MAF: variants seen among roughly 807,000 people sequenced by gnomAD.
MAF encodes MAF bZIP transcription factor.
A neutral mutation model predicts 22.0 loss-of-function variants in MAF; 10 were observed. The ratio of observed to expected loss-of-function variants is 0.45; its 90% CI spans 0.28 to 0.77. The LOEUF is 0.77. MAF is among the 30% of genes least tolerant of loss of function. The probability of loss-of-function intolerance (pLI) is 0.12; values close to 1 mark genes in which losing one functional copy is unlikely to be tolerated. For missense variants in MAF, 544 were observed against 548.4 expected, an observed-to-expected ratio of 0.99 and a Z score of 0.08; for synonymous variants, 337 against 255.8, an observed-to-expected ratio of 1.32 and a Z score of -3.03.
At chr16:79,521,456 A>G in the MAF span, among the ~76,000 whole-genome samples, 1 of 152,218 alleles carries the variant, frequency 6.6e-6, no homozygotes, top group Admixed American at 6.5e-5. Context: ...CCCACCATTA[A>G]TCCTCAGGAC....
At chr16:79,396,487 G>T in the MAF span, among the ~76,000 whole-genome samples, 2,466 of 152,282 alleles carry the variant, frequency 0.016, 22 homozygotes, top group Non-Finnish European at 0.025. Flanking sequence ...TCTGGAAAAA[G>T]CCTCCTTGAC....
chr16:79,247,575 G>C, the MAF span, among the ~76,000 whole-genome samples: 1 of 152,122 alleles, frequency 6.6e-6, no homozygotes, highest in Non-Finnish European at 1.5e-5. Flanking sequence ...AAAACACTCT[G>C]CGCAAACATT....
At chr16:79,418,047 A>C in the MAF span, among the ~76,000 whole-genome samples, 2 of 152,144 alleles carry the variant, frequency 1.3e-5, no homozygotes, top group Non-Finnish European at 2.9e-5. Context: ...GAACTAAAAA[A>C]GAAAAAGAAA....
the MAF span, among the ~76,000 whole-genome samples, chr16:79,239,620 A>T: frequency 6.6e-6 from 1 of 151,958 alleles, no homozygotes; most frequent in Admixed American, 6.6e-5. Flanking sequence ...GAACCCCTAG[A>T]TGCTAATGGT....
chr16:79,563,581 T>C, the MAF span, among the ~76,000 whole-genome samples: 8 of 152,198 alleles, frequency 5.3e-5, no homozygotes, highest in African/African-American at 1.9e-4. Context: ...ATCATAATAC[T>C]TTTGATTTAT....
chr16:79,388,079 G>A, the MAF span, among the ~76,000 whole-genome samples: 3 of 152,320 alleles, frequency 2.0e-5, no homozygotes, highest in Admixed American at 2.0e-4. Context: ...CTCAGGGCTA[G>A]TTCACAGCGT....
the MAF span, among the ~76,000 whole-genome samples, chr16:79,401,448 G>T: frequency 2.9e-4 from 44 of 152,252 alleles, 1 homozygote; most frequent in East Asian, 8.5e-3. Context: ...CAGTCTTCAA[G>T]TGGGAAAACT....
chr16:79,231,699 C>T, the MAF span, among the ~76,000 whole-genome samples: 1 of 152,048 alleles, frequency 6.6e-6, no homozygotes, highest in Admixed American at 6.6e-5. Flanking sequence ...ACCTTTTTGG[C>T]ACCAGGGACT....
the MAF span, among the ~76,000 whole-genome samples, chr16:79,429,281 C>T: frequency 6.6e-6 from 1 of 152,186 alleles, no homozygotes; most frequent in African/African-American, 2.4e-5. Flanking sequence ...CTGCCCTGCC[C>T]ATGGGTCTGC....
the MAF span, among the ~76,000 whole-genome samples, chr16:79,468,453 G>C: frequency 1.3e-5 from 2 of 152,248 alleles, no homozygotes; most frequent in African/African-American, 2.4e-5. Context: ...CAAGTCCGTG[G>C]AGGGTGGGAG....
chr16:79,444,948 TGTATGTGAGAGTGGAGTTCA>T, the MAF span, among the ~76,000 whole-genome samples: 1 of 151,592 alleles, frequency 6.6e-6, no homozygotes, highest in Non-Finnish European at 1.5e-5. Context: ...GCCTGCTACG[TGTATGTGAGAGTGGAGTTCA>T]GTTTCTGGCA....
At chr16:79,463,888 C>G in the MAF span, among the ~76,000 whole-genome samples, 1 of 151,042 alleles carries the variant, frequency 6.6e-6, no homozygotes, top group Non-Finnish European at 1.5e-5. Flanking sequence ...GATGCACCAT[C>G]CCACCCTAAA....
the MAF span, among the ~76,000 whole-genome samples, chr16:79,208,274 C>T: frequency 3.3e-5 from 5 of 152,074 alleles, no homozygotes; most frequent in East Asian, 1.9e-4. Context: ...AGTCCTGTGT[C>T]GTCAACAACC....
chr16:79,411,311 G>C, the MAF span, among the ~76,000 whole-genome samples: 1 of 152,152 alleles, frequency 6.6e-6, no homozygotes, highest in Admixed American at 6.5e-5. Flanking sequence ...GGTTTTCTAT[G>C]TCACATCCCT....
chr16:79,362,436 AGGT>A, the MAF span, among the ~76,000 whole-genome samples: 1 of 152,202 alleles, frequency 6.6e-6, no homozygotes, highest in African/African-American at 2.4e-5. Flanking sequence ...GTTGCTGAGA[AGGT>A]TAAATTGAGA....
the MAF span, among the ~76,000 whole-genome samples, chr16:79,569,676 A>C: frequency 1.3e-5 from 2 of 152,256 alleles, no homozygotes; most frequent in Admixed American, 1.3e-4. Context: ...TACACAGTAC[A>C]GTCACCCAGG....
chr16:79,533,462 G>T, the MAF span, among the ~76,000 whole-genome samples: 1 of 152,182 alleles, frequency 6.6e-6, no homozygotes, highest in African/African-American at 2.4e-5. Flanking sequence ...AGGGTAGTGT[G>T]GTCATTCACA....
the MAF span, among the ~76,000 whole-genome samples, chr16:79,431,477 T>C: frequency 5.9e-5 from 9 of 152,240 alleles, no homozygotes; most frequent in Non-Finnish European, 1.3e-4. Flanking sequence ...GTGCATCTTA[T>C]TAAGTATTTA....
At chr16:79,565,296 C>T in the MAF span, among the ~76,000 whole-genome samples, 3 of 152,138 alleles carry the variant, frequency 2.0e-5, no homozygotes, top group Non-Finnish European at 4.4e-5. Context: ...TACATATTGT[C>T]GATGGCAGGG....
Sources: gnomAD v4.1 joint callset for allele counts (sites outside exome capture counted in the v4.1 genomes callset) on GRCh38, gnomAD v4.1.1 for gene constraint, MANE v1.5 for transcripts, NCBI Gene and HGNC (gene_info 2026-07-23, HGNC 2026-07-21) for gene names.